The following SLIT1 variants were observed in gnomAD, a reference collection of about 807,000 sequenced individuals.
SLIT1 encodes slit homolog 1 protein.
A neutral mutation model predicts 186.1 loss-of-function variants in SLIT1; 66 were observed. That is an observed-to-expected ratio of 0.35 (90% CI 0.29 to 0.44). The LOEUF (loss-of-function observed/expected upper bound fraction) is 0.44. SLIT1 is among the 20% of genes least tolerant of loss of function. The pLI is 1.00. For missense variants in SLIT1, 1,638 were observed against 2,037.4 expected, an observed-to-expected ratio of 0.80 and a Z score of 3.77; for synonymous variants, 761 against 833.8, an observed-to-expected ratio of 0.91 and a Z score of 1.50.
Position 97,064,235 on chromosome 10 carries a change from G to A in SLIT1, c.562C>T (p.Leu188=). Residue 188 remains leucine, a synonymous_variant, in exon 7 of 37, where the codon CTG becomes TTG. Coordinates refer to ENST00000266058, the MANE Select transcript of SLIT1 (RefSeq NM_003061.3). ...RALRGLEVLT[L]NNNNITTIPV... ...ATGGTGGTGATATTGTTGTTGTTCA[G>A]GGTCCTAAATGGGAAAAACCAGAGT... is the stretch of plus-strand genomic sequence containing the variant. 1 of 1,613,590 alleles carries A rather than the reference G, an allele frequency of 6.2e-7. No homozygotes were observed. Among genetic ancestry groups the A allele is most frequent in the South Asian group, 1.1e-5 (1 of 90,852 alleles).
intron 1 of SLIT1, among the ~76,000 whole-genome samples, chr10:97,169,708 C>T (rs1850162653): frequency 6.6e-6 from 1 of 152,218 alleles, no homozygotes; most frequent in African/African-American, 2.4e-5. Context: ...CCACTGGAGC[C>T]CACACCCACC....
At position 97,043,207 on chromosome 10, in the gene SLIT1, C is replaced by T. The variant is rs760921924; in HGVS notation, c.1998-140G>A. 18 of 1,309,762 alleles carry T rather than the reference C, an allele frequency of 1.4e-5. No homozygotes were observed. Among genetic ancestry groups the T allele is most frequent in the African/African-American group, 1.3e-4 (9 of 68,280 alleles). The allele number at this position is 1,309,762 out of a possible 1,614,324, so 81.1% of individuals were successfully genotyped here. A position where few individuals can be genotyped will look rare whatever the true frequency, so the allele number is the denominator to read the frequency against. ...GACCACCACCCATCACCAAGAGGAC[C>T]GGCTCTGAGGACCGGAGGGAGACTT... On this transcript the variant is annotated intron_variant, in intron 19 of 36. Coordinates refer to ENST00000266058, the MANE Select transcript of SLIT1 (RefSeq NM_003061.3). This position sits in a 1 kb window ranked among gnomAD's most constrained non-coding sequence, Gnocchi z 7.0.
intron 4 of SLIT1, among the ~76,000 whole-genome samples, chr10:97,079,024 G>A (rs553621690): frequency 7.9e-5 from 12 of 152,186 alleles, no homozygotes; most frequent in Non-Finnish European, 1.5e-4. Flanking sequence ...ATAGAGAAAA[G>A]GACATGAGCT....
chr10:97,002,982 C>A lies in SLIT1; in HGVS notation c.3876G>T (p.Val1292=). 1 of 1,613,176 alleles carries A rather than the reference C, an allele frequency of 6.2e-7. No individual in the cohort carries two copies. The highest frequency in any genetic ancestry group is 1.1e-5 in the South Asian group (1 of 90,982). Residue 1292 remains valine, a synonymous_variant, in exon 35 of 37, where the codon GTG becomes GTT. Coordinates refer to ENST00000266058, the MANE Select transcript of SLIT1 (RefSeq NM_003061.3). ...GGCGGAAGGCAGCTGAGTTGACATCCACGGGCATCCCTGGGGTAGGGGAGG... is the reference window on the plus strand; with the variant it reads ...GGCGGAAGGCAGCTGAGTTGACATCAACGGGCATCCCTGGGGTAGGGGAGG... The part of the protein sequence containing the change: ...EAPLYVGGMP[V]DVNSAAFRLW...
At chr10:97,172,052 T>C (rs1850196943) in intron 1 of SLIT1, among the ~76,000 whole-genome samples, 1 of 151,814 alleles carries the variant, frequency 6.6e-6, no homozygotes, top group Non-Finnish European at 1.5e-5. Flanking sequence ...ATATTGCTTT[T>C]TTTTTTTCGA....
chr10:97,023,115 G>A lies in SLIT1; in HGVS notation c.2583-1702C>T, dbSNP rs532858683. On this transcript the variant is annotated intron_variant, in intron 25 of 36. Transcript: ENST00000266058. ...GGCCCAGGCTGCAGTGCAGTGGTACGATCTCAGCTCACCGCAACCTCTGCT... is the reference window on the plus strand; with the variant it reads ...GGCCCAGGCTGCAGTGCAGTGGTACAATCTCAGCTCACCGCAACCTCTGCT... 3.3e-5 allele frequency among the ~76,000 whole-genome samples: 5 copies of A among 151,552 alleles called. No individual in the cohort carries two copies. In the South Asian group the frequency reaches 8.3e-4, roughly 25 times the overall value.
chr10:97,180,089 G>C (rs1007560121), intron 1 of SLIT1, among the ~76,000 whole-genome samples: 1 of 152,184 alleles, frequency 6.6e-6, no homozygotes, highest in Non-Finnish European at 1.5e-5. Context: ...CCCCGCCCAA[G>C]AAGGGGCACC....
At chr10:97,012,401 C>A (rs2134593022) in intron 30 of SLIT1, among the ~76,000 whole-genome samples, 1 of 152,268 alleles carries the variant, frequency 6.6e-6, no homozygotes, top group African/African-American at 2.4e-5. Flanking sequence ...CAGGTAATGC[C>A]AGGCACAGCT....
At chr10:97,160,238 C>A (rs1374758246) in intron 3 of SLIT1, among the ~76,000 whole-genome samples, 1 of 152,216 alleles carries the variant, frequency 6.6e-6, no homozygotes, top group East Asian at 1.9e-4. Context: ...CCAGTTATGT[C>A]TACTCCCAAA....
intron 1 of SLIT1, among the ~76,000 whole-genome samples, chr10:97,182,964 A>G (rs1347512767): frequency 2.1e-5 from 3 of 145,444 alleles, no homozygotes; most frequent in South Asian, 2.2e-4. Context: ...TCATCTCTAC[A>G]AAAAAGGAAA....
intron 4 of SLIT1, among the ~76,000 whole-genome samples, chr10:97,133,601 T>G (rs1308148755): frequency 6.6e-6 from 1 of 152,194 alleles, no homozygotes; most frequent in African/African-American, 2.4e-5. Flanking sequence ...GATGCGAACT[T>G]AACATTACTG....
chr10:97,109,032 G>T (rs1349451271), intron 4 of SLIT1, among the ~76,000 whole-genome samples: 1 of 149,852 alleles, frequency 6.7e-6, no homozygotes, highest in Non-Finnish European at 1.5e-5. Context: ...CTGTAAACAT[G>T]AAATAAAAAT....
intron 1 of SLIT1, among the ~76,000 whole-genome samples, chr10:97,167,873 G>C (rs1427423240): frequency 1.3e-5 from 2 of 152,216 alleles, no homozygotes. Flanking sequence ...ATGTGAAGAA[G>C]GATGTGTTTG....
intron 4 of SLIT1, among the ~76,000 whole-genome samples, chr10:97,074,526 G>T (rs1368469911): frequency 1.3e-5 from 2 of 152,164 alleles, no homozygotes; most frequent in East Asian, 1.9e-4. Flanking sequence ...TGTAACAATC[G>T]CACCTCTTCC....
At chr10:97,107,228 T>C (rs1320610171) in intron 4 of SLIT1, among the ~76,000 whole-genome samples, 1 of 152,284 alleles carries the variant, frequency 6.6e-6, no homozygotes, top group Non-Finnish European at 1.5e-5. Flanking sequence ...CATGCTCACC[T>C]GAGCTGGCTC....
Position 97,006,502 on chromosome 10 carries a change from C to T in SLIT1, c.3560G>A (p.Arg1187Gln), listed in dbSNP as rs755290344. ...ACGCACCTGCAACGTGATGTTGGCC[C>T]GTGGCCAGTTTTGCAGGTCAGTGAA... is the stretch of plus-strand genomic sequence containing the variant. Reference protein sequence around the residue: ...LQFTDLQNWPRANITLQVSTA... With the variant: ...LQFTDLQNWPQANITLQVSTA... Residue 1187 changes from arginine (R) to glutamine (Q), a missense_variant, in exon 32 of 37, where the codon CGG becomes CAG. Arg to Gln is a conservative substitution (Grantham distance 43). Transcript: ENST00000266058. The surrounding 1 kb of genome is among the most constrained non-coding windows in gnomAD (Gnocchi z 4.0). The T allele has an allele frequency of 1.8e-5, 29 of 1,613,660 alleles. No homozygotes were observed. The highest frequency in any genetic ancestry group is 4.5e-5 in the East Asian group (2 of 44,878).
chr10:97,042,210 G>A (rs1848696401), intron 20 of SLIT1, among the ~76,000 whole-genome samples: 1 of 152,138 alleles, frequency 6.6e-6, no homozygotes, highest in South Asian at 2.1e-4. Context: ...GGGGTAGAAG[G>A]CAAGAAAGGG....
chr10:97,117,630 A>G (rs1383623263), intron 4 of SLIT1, among the ~76,000 whole-genome samples: 1 of 152,098 alleles, frequency 6.6e-6, no homozygotes, highest in Non-Finnish European at 1.5e-5. Context: ...TATATAAATA[A>G]TCTCTTCGGT....
At chr10:97,037,915 G>A (rs2134617345) in intron 21 of SLIT1, 149 bp from the exon 22 acceptor site, 3 of 583,802 alleles carry the variant, frequency 5.1e-6, no homozygotes, top group Non-Finnish European at 8.9e-6. Context: ...ACTTATGGGA[G>A]GAGAAAATAT....
Sources: gnomAD v4.1 joint callset for allele counts (sites outside exome capture counted in the v4.1 genomes callset) on GRCh38, gnomAD v4.1.1 for gene constraint, Gnocchi (gnomAD v3.1) non-coding constraint, MANE v1.5 for transcripts, NCBI Gene and HGNC (gene_info 2026-07-23, HGNC 2026-07-21) for gene names.